The following FRMPD4 variants were observed in gnomAD, a reference collection of about 807,000 sequenced individuals.
The protein encoded by FRMPD4 is FERM and PDZ domain containing 4.
FRMPD4 carries 22 observed loss-of-function variants against 94.1 expected under a neutral mutation model. The ratio of observed to expected loss-of-function variants is 0.23; its 90% CI spans 0.17 to 0.33. The LOEUF is 0.33. FRMPD4 is among the 10% of genes least tolerant of loss of function. The pLI is 1.00. For missense variants in FRMPD4, 1,111 were observed against 1,339.9 expected (o/e 0.83, Z 2.67); for synonymous variants, 631 against 548.6 (o/e 1.15, Z -2.10).
At chrX:11,849,678 G>GT (rs200493437) in intron 1 of FRMPD4, among the ~76,000 whole-genome samples, 5,518 of 98,116 alleles carry the variant, frequency 0.056, 199 homozygotes, top group East Asian at 0.26. Context: ...GAAAGGACAG[G>GT]TTTTTTTTTT....
chrX:12,038,702 A>G (rs1415206603), intron 3 of FRMPD4, among the ~76,000 whole-genome samples: 6 of 111,846 alleles, frequency 5.4e-5, no homozygotes, highest in Non-Finnish European at 9.4e-5. Context: ...GAATTTGTCT[A>G]TGTCAACTGA....
intron 1 of FRMPD4, among the ~76,000 whole-genome samples, chrX:12,265,600 G>C (rs917760456): frequency 3.6e-5 from 4 of 111,218 alleles, no homozygotes; most frequent in Non-Finnish European, 7.5e-5. Context: ...TTTATTTCAT[G>C]AGTTTCTGCC....
intron 2 of FRMPD4, among the ~76,000 whole-genome samples, chrX:12,567,212 C>T (rs924688413): frequency 5.4e-5 from 6 of 111,975 alleles, no homozygotes; most frequent in African/African-American, 2.0e-4. Context: ...TCCTACCATT[C>T]TGTACCTAAG....
At chrX:12,460,392 A>C (rs1211007583) in intron 1 of FRMPD4, among the ~76,000 whole-genome samples, 1 of 111,884 alleles carries the variant, frequency 8.9e-6, no homozygotes, top group Non-Finnish European at 1.9e-5. Flanking sequence ...TCATGTTCTT[A>C]GTTCTTATGT....
chrX:12,187,802 T>C (rs1429277525), intron 1 of FRMPD4, among the ~76,000 whole-genome samples: 1 of 111,992 alleles, frequency 8.9e-6, no homozygotes, highest in Non-Finnish European at 1.9e-5. Flanking sequence ...CACATACATT[T>C]GTGTGTATAC....
intron 3 of FRMPD4, among the ~76,000 whole-genome samples, chrX:12,027,385 A>G (rs1569144959): frequency 8.9e-6 from 1 of 112,191 alleles, no homozygotes; most frequent in Non-Finnish European, 1.9e-5. Context: ...GTGAGAAACT[A>G]TAATTTCCTC....
chrX:12,096,847 ACTGCACTCCAGC>A (rs2055209600), intron 3 of FRMPD4, among the ~76,000 whole-genome samples: 2 of 111,579 alleles, frequency 1.8e-5, no homozygotes, highest in Non-Finnish European at 3.8e-5. Flanking sequence ...TGATCATGCC[ACTGCACTCCAGC>A]CTGGGTGACA....
At chrX:12,308,870 C>T (rs1045252548) in intron 1 of FRMPD4, among the ~76,000 whole-genome samples, 12 of 112,730 alleles carry the variant, frequency 1.1e-4, no homozygotes, top group African/African-American at 3.6e-4. Context: ...AATAACTGCC[C>T]AGCCAACTCC....
chrX:12,705,197 TTTTG>T (rs756879096), intron 11 of FRMPD4, among the ~76,000 whole-genome samples: 2 of 112,183 alleles, frequency 1.8e-5, no homozygotes, highest in Non-Finnish European at 3.8e-5. Flanking sequence ...CTTTTTATGC[TTTTG>T]TTTTTGTTTT....
intron 13 of FRMPD4, among the ~76,000 whole-genome samples, chrX:12,708,662 G>A (rs986717714): frequency 2.9e-4 from 32 of 111,522 alleles, no homozygotes; most frequent in African/African-American, 1.0e-3. Context: ...AATGGAGATA[G>A]TGACTCCACA....
At chrX:12,482,020 C>T (rs2057692957) in intron 1 of FRMPD4, among the ~76,000 whole-genome samples, 1 of 96,806 alleles carries the variant, frequency 1.0e-5, no homozygotes. Flanking sequence ...ATTTGCTATT[C>T]ATTAAGTAGA....
chrX:11,996,253 A>G (rs2054495752), intron 3 of FRMPD4, among the ~76,000 whole-genome samples: 1 of 112,253 alleles, frequency 8.9e-6, no homozygotes, highest in African/African-American at 3.2e-5. Context: ...GACAAGGGGG[A>G]AAATTAAGAA....
intron 1 of FRMPD4, among the ~76,000 whole-genome samples, chrX:11,825,243 CTT>C (rs2053436055): frequency 1.1e-5 from 1 of 94,889 alleles, no homozygotes. Flanking sequence ...TGTGTGGTCT[CTT>C]CACTCATCTC....
chrX:12,654,017 C>T (rs1336179985), intron 4 of FRMPD4, among the ~76,000 whole-genome samples: 1 of 111,974 alleles, frequency 8.9e-6, no homozygotes, highest in Non-Finnish European at 1.9e-5. Context: ...GTGATTTGCC[C>T]ACCTCGGCCT....
intron 1 of FRMPD4, among the ~76,000 whole-genome samples, chrX:12,289,961 T>G (rs1402074171): frequency 8.9e-6 from 1 of 111,819 alleles, no homozygotes; most frequent in Non-Finnish European, 1.9e-5. Context: ...GCAGAGTAAA[T>G]GCTAGGACAC....
intron 1 of FRMPD4, among the ~76,000 whole-genome samples, chrX:12,354,618 C>G (rs72612881): frequency 1.8e-5 from 2 of 112,120 alleles, no homozygotes; most frequent in African/African-American, 3.2e-5. Context: ...CAGGCCAAGA[C>G]GTCATTCCTT....
chrX:12,662,536 C>CT (rs1227797951), intron 4 of FRMPD4, among the ~76,000 whole-genome samples: 7 of 112,085 alleles, frequency 6.2e-5, no homozygotes, highest in Non-Finnish European at 1.1e-4. Context: ...TGAACTCATC[C>CT]TTTTTTATGG....
At chrX:12,702,097 A>T in intron 10 of FRMPD4, 87 bp downstream of exon 10, 1 of 956,064 alleles carries the variant, frequency 1.0e-6, no homozygotes, top group Admixed American at 2.3e-5. Context: ...TCCAAAATTG[A>T]TCTTGTTTGT....
chrX:12,290,571 A>G (rs2054670103), intron 1 of FRMPD4, among the ~76,000 whole-genome samples: 1 of 112,647 alleles, frequency 8.9e-6, no homozygotes, highest in Non-Finnish European at 1.9e-5. Context: ...TTTTCTTTTT[A>G]GGAGCAGTAA....
Sources: gnomAD v4.1 joint callset for allele counts (sites outside exome capture counted in the v4.1 genomes callset) on GRCh38, gnomAD v4.1.1 for gene constraint, MANE v1.5 for transcripts, NCBI Gene and HGNC (gene_info 2026-07-23, HGNC 2026-07-21) for gene names.